GPM6A: variants seen among roughly 807,000 people sequenced by gnomAD.
GPM6A encodes neuronal membrane glycoprotein M6-a.
GPM6A carries 7 observed loss-of-function variants against 32.1 expected under a neutral mutation model. That is an observed-to-expected ratio of 0.22 (90% CI 0.12 to 0.41). The LOEUF (loss-of-function observed/expected upper bound fraction) is 0.41, where lower values mean the gene tolerates loss of function less well. GPM6A is among the 10% of genes least tolerant of loss of function. GPM6A has a pLI of 1.00. For synonymous variants in GPM6A, 130 were observed against 123.4 expected (o/e 1.05, Z -0.35); for missense variants, 235 against 347.2 (o/e 0.68, Z 2.57).
At chr4:175,935,136 C>G (rs2126323080) in intron 1 of GPM6A, among the ~76,000 whole-genome samples, 1 of 152,310 alleles carries the variant, frequency 6.6e-6, no homozygotes, top group East Asian at 1.9e-4. Flanking sequence ...CTTTAGAGCA[C>G]AGTAATGTGA....
At chr4:175,942,338 C>CT (rs1399381817) in intron 1 of GPM6A, among the ~76,000 whole-genome samples, 1 of 152,150 alleles carries the variant, frequency 6.6e-6, no homozygotes, top group Non-Finnish European at 1.5e-5. Context: ...CCTGTTCACT[C>CT]TGATGATAGT....
chr4:175,860,748 C>T (rs1228074102), intron 1 of GPM6A, among the ~76,000 whole-genome samples: 1 of 152,150 alleles, frequency 6.6e-6, no homozygotes, highest in Non-Finnish European at 1.5e-5. Context: ...GCCTCTTCCT[C>T]CCATGCAGTG....
intron 1 of GPM6A, among the ~76,000 whole-genome samples, chr4:175,712,781 C>A (rs1161127264): frequency 6.6e-6 from 1 of 152,132 alleles, no homozygotes; most frequent in East Asian, 1.9e-4. Flanking sequence ...TTCTTGAGCA[C>A]CTGTTTCTTC....
intron 2 of GPM6A, among the ~76,000 whole-genome samples, chr4:175,678,781 T>C (rs923360080): frequency 2.0e-5 from 3 of 152,234 alleles, no homozygotes; most frequent in African/African-American, 7.2e-5. Context: ...TGGGCTATTC[T>C]ATACAATTCT....
intron 1 of GPM6A, among the ~76,000 whole-genome samples, chr4:175,936,414 T>C (rs953428318): frequency 6.6e-6 from 1 of 150,940 alleles, no homozygotes; most frequent in Middle Eastern, 3.2e-3. Flanking sequence ...CCTCAATGTG[T>C]AACTACATGC....
rs990786834 is a variant in GPM6A at position 175,799,336 on chromosome 4, T to C, written c.37+12855A>G. Among the ~76,000 whole-genome samples, 72 of 152,272 alleles carry C rather than the reference T, an allele frequency of 4.7e-4. 2 individuals carry two copies. Among genetic ancestry groups the C allele is most frequent in the Middle Eastern group, 6.8e-3 (2 of 294 alleles). ...ATTTTTGACTCTGGACCACTCATTT[T>C]GACTCACTGTGGGGCAGTAGCATTC... is the stretch of plus-strand genomic sequence containing the variant. On this transcript the variant is annotated intron_variant, in intron 1 of 6. Transcript: ENST00000393658.
chr4:175,658,185 C>T (rs1742194271), intron 3 of GPM6A, among the ~76,000 whole-genome samples: 1 of 151,426 alleles, frequency 6.6e-6, no homozygotes, highest in African/African-American at 2.4e-5. Context: ...AGTAGATAAA[C>T]AGATATATAA....
chr4:175,757,547 T>C (rs774258957), intron 1 of GPM6A, among the ~76,000 whole-genome samples: 3 of 152,172 alleles, frequency 2.0e-5, no homozygotes, highest in Non-Finnish European at 4.4e-5. Flanking sequence ...ATGGGGAATA[T>C]ACATAGTTCC....
At chr4:175,936,306 C>CAAAAAAAAAAAAAAAAAAAAA (rs35653197) in intron 1 of GPM6A, among the ~76,000 whole-genome samples, 1 of 45,576 alleles carries the variant, frequency 2.2e-5, no homozygotes, top group Non-Finnish European at 3.7e-5. Context: ...ACTCTGTCTC[C>CAAAAAAAAAAAAAAAAAAAAA]AAAAAAAAAA....
In GPM6A at chr4:175,940,330, C is replaced by T. The variant is rs548516435; in HGVS notation, c.-23+61979G>A. On this transcript the variant is annotated intron_variant, in intron 1 of 7. Coordinates refer to the GPM6A transcript ENST00000280187. ...ACCTATAGGTTTGGGAAGTGTTATACTGTAATTTTATGAGAAAAATAATGC... is the reference window on the plus strand; with the variant it reads ...ACCTATAGGTTTGGGAAGTGTTATATTGTAATTTTATGAGAAAAATAATGC... 3.2e-4 allele frequency among the ~76,000 whole-genome samples: 48 copies of T among 152,120 alleles called. 1 individual carries two copies. In the South Asian group the frequency reaches 9.9e-3, roughly 32 times the overall value.
intron 1 of GPM6A, among the ~76,000 whole-genome samples, chr4:175,746,873 G>A (rs1181279690): frequency 1.3e-5 from 2 of 152,136 alleles, no homozygotes; most frequent in Non-Finnish European, 2.9e-5. Context: ...TTGTTGCTTT[G>A]TGTGATGATT....
At chr4:175,962,569 C>CCTG in intron 1 of GPM6A, 1 of 345,768 alleles carries the variant, frequency 2.9e-6, no homozygotes, top group Non-Finnish European at 5.6e-6. Context: ...GCCTCCTGTA[C>CCTG]TCATTACTAC....
At chr4:175,789,242 T>C (rs1042139340) in intron 1 of GPM6A, among the ~76,000 whole-genome samples, 1 of 152,238 alleles carries the variant, frequency 6.6e-6, no homozygotes, top group African/African-American at 2.4e-5. Context: ...ACTTTTGGAA[T>C]AAATGTGTTC....
intron 1 of GPM6A, among the ~76,000 whole-genome samples, chr4:175,920,059 A>C (rs527422442): frequency 6.6e-6 from 1 of 152,380 alleles, no homozygotes; most frequent in South Asian, 2.1e-4. Flanking sequence ...TAACCTCTAA[A>C]GGTGATGGAG....
chr4:175,838,700 G>A (rs1735849933), intron 1 of GPM6A, among the ~76,000 whole-genome samples: 1 of 143,470 alleles, frequency 7.0e-6, no homozygotes, highest in Non-Finnish European at 1.5e-5. Flanking sequence ...TATCACCCAG[G>A]CTGGAGTGCT....
intron 1 of GPM6A, among the ~76,000 whole-genome samples, chr4:175,731,795 T>C (rs1038634086): frequency 1.3e-5 from 2 of 152,140 alleles, no homozygotes; most frequent in African/African-American, 4.8e-5. Flanking sequence ...TTTCAACACT[T>C]GCTACCTCTC....
chr4:175,677,477 A>G (rs1403902397), intron 2 of GPM6A, among the ~76,000 whole-genome samples: 1 of 152,208 alleles, frequency 6.6e-6, no homozygotes, highest in Non-Finnish European at 1.5e-5. Flanking sequence ...TTTGGTAGAC[A>G]AAAGTACAAA....
intron 1 of GPM6A, among the ~76,000 whole-genome samples, chr4:175,725,642 T>C (rs1746367052): frequency 6.6e-6 from 1 of 152,112 alleles, no homozygotes; most frequent in African/African-American, 2.4e-5. Context: ...TATTTTTGTT[T>C]CCCATCACAT....
chr4:175,962,491 C>G (rs1178040088), intron 1 of GPM6A: 6 of 587,864 alleles, frequency 1.0e-5, no homozygotes, highest in Non-Finnish European at 2.0e-5. Flanking sequence ...AGTGAAGTCA[C>G]AGCTGCCTAT....
Sources: allele counts gnomAD v4.1 joint callset (sites outside exome capture counted in the v4.1 genomes callset), GRCh38; gene constraint gnomAD v4.1.1; transcripts MANE v1.5; gene names NCBI Gene and HGNC (gene_info 2026-07-23, HGNC 2026-07-21).